SPIDR: variants seen among roughly 807,000 people sequenced by gnomAD.
SPIDR encodes scaffold protein involved in DNA repair, also known as DNA repair-scaffolding protein.
In SPIDR, 93 loss-of-function variants were observed where a neutral mutation model predicts 104.6. The observed-to-expected ratio is 0.89, with a 90% CI of 0.75 to 1.06. The LOEUF (loss-of-function observed/expected upper bound fraction) is 1.06, where lower values mean the gene tolerates loss of function less well. SPIDR is among the 50% of genes least tolerant of loss of function. The pLI is 0.00. For missense variants in SPIDR, 1,154 were observed against 1,111.2 expected (o/e 1.04, Z -0.55); for synonymous variants, 431 against 416.9 (o/e 1.03, Z -0.41).
chr8:47,464,873 A>T (rs2074524881), intron 8 of SPIDR, among the ~76,000 whole-genome samples: 2 of 152,002 alleles, frequency 1.3e-5, no homozygotes, highest in East Asian at 3.9e-4. Flanking sequence ...GGTTCAAGTG[A>T]TTCTCCTGCC....
chr8:47,386,668 A>G (rs782748822), intron 5 of SPIDR, among the ~76,000 whole-genome samples: 2 of 152,216 alleles, frequency 1.3e-5, no homozygotes, highest in Admixed American at 6.5e-5. Flanking sequence ...ATATTTAGAT[A>G]TAATGAGTAG....
At chr8:47,418,039 GT>G (rs1563914780) in intron 7 of SPIDR, among the ~76,000 whole-genome samples, 1 of 152,206 alleles carries the variant, frequency 6.6e-6, no homozygotes, top group Non-Finnish European at 1.5e-5. Flanking sequence ...TTGTAGTATA[GT>G]TTGAAGTCAG....
chr8:47,370,439 A>ATTTTTTTTTTTTTTTTTTTTTT (rs34220804), intron 5 of SPIDR, among the ~76,000 whole-genome samples: 1 of 99,076 alleles, frequency 1.0e-5, no homozygotes, highest in Non-Finnish European at 1.9e-5. Context: ...AGAGGTCAAG[A>ATTTTTTTTTTTTTTTTTTTTTT]TTTTTTTTTT....
intron 8 of SPIDR, among the ~76,000 whole-genome samples, chr8:47,532,065 ATTTT>A (rs34728107): frequency 1.7e-5 from 2 of 119,608 alleles, no homozygotes; most frequent in Non-Finnish European, 1.7e-5. Flanking sequence ...GTCAGAGTGG[ATTTT>A]TTTTTTTTTT....
chr8:47,396,217 T>A (rs782020746), intron 5 of SPIDR, among the ~76,000 whole-genome samples, 159 bp from the exon 6 acceptor site: 34 of 152,346 alleles, frequency 2.2e-4, no homozygotes, highest in Admixed American at 9.1e-4. Flanking sequence ...ACTTTTGGAT[T>A]TTGTCAGAAC....
At chr8:47,549,980 A>G (rs945481107) in intron 8 of SPIDR, among the ~76,000 whole-genome samples, 3 of 152,210 alleles carry the variant, frequency 2.0e-5, no homozygotes, top group African/African-American at 4.8e-5. Context: ...AGCTTTCTAC[A>G]TATGGCTAGC....
At position 47,511,480 on chromosome 8, in the gene SPIDR, A is replaced by G; in HGVS notation, c.1097+70938A>G. 7.7e-6 allele frequency: 6 copies of G among 777,898 alleles called. No homozygotes were observed. The South Asian group carries it at 8.2e-5, about 11-fold the overall frequency. 48.2% of individuals were successfully genotyped at this position (777,898 alleles called of 1,614,324 possible). On this transcript the variant is annotated intron_variant, in intron 8 of 19. Coordinates refer to ENST00000297423, the MANE Select transcript of SPIDR (RefSeq NM_001080394.4). Reference sequence around the variant, plus strand: ...CTGTCCACTGTGAGCTAGCCTCCACAGCTCTGCTGGCACCTCCCTTCTGTG... The same window carrying G: ...CTGTCCACTGTGAGCTAGCCTCCACGGCTCTGCTGGCACCTCCCTTCTGTG...
chr8:47,518,752 T>A (rs2083540416), intron 8 of SPIDR, among the ~76,000 whole-genome samples: 1 of 151,760 alleles, frequency 6.6e-6, no homozygotes, highest in Non-Finnish European at 1.5e-5. Flanking sequence ...TTCTCCTGCC[T>A]CAGCCTCCCA....
At chr8:47,720,265 TG>T (rs1406618547) in intron 16 of SPIDR, among the ~76,000 whole-genome samples, 4 of 152,384 alleles carry the variant, frequency 2.6e-5, no homozygotes, top group African/African-American at 9.6e-5. Flanking sequence ...TTCCAAGTTT[TG>T]GCAATTATTA....
chr8:47,624,530 C>T (rs1415660800), intron 10 of SPIDR, among the ~76,000 whole-genome samples: 16 of 151,844 alleles, frequency 1.1e-4, no homozygotes, highest in African/African-American at 3.4e-4. Flanking sequence ...ATCAAAGAGA[C>T]GCAATAAAAA....
chr8:47,465,992 C>T (rs1159424450), intron 8 of SPIDR, among the ~76,000 whole-genome samples: 3 of 152,038 alleles, frequency 2.0e-5, no homozygotes, highest in African/African-American at 7.2e-5. Context: ...AATATATATA[C>T]ACCCAACACA....
At chr8:47,323,236 C>G (rs782718542) in intron 5 of SPIDR, among the ~76,000 whole-genome samples, 1 of 152,006 alleles carries the variant, frequency 6.6e-6, no homozygotes, top group Non-Finnish European at 1.5e-5. Flanking sequence ...TAAAAAATTT[C>G]TGGTCGAAAT....
chr8:47,307,064 A>T (rs1028943007), intron 5 of SPIDR, among the ~76,000 whole-genome samples: 1 of 152,052 alleles, frequency 6.6e-6, no homozygotes, highest in Non-Finnish European at 1.5e-5. Flanking sequence ...AGTTTAATCC[A>T]TTTGAATTTA....
chr8:47,680,028 A>C (rs1364678614), intron 11 of SPIDR, among the ~76,000 whole-genome samples: 1 of 152,200 alleles, frequency 6.6e-6, no homozygotes, highest in Non-Finnish European at 1.5e-5. Flanking sequence ...GTGGCGACCC[A>C]TTACTGTATG....
chr8:47,612,201 A>G (rs1313993876), intron 10 of SPIDR, among the ~76,000 whole-genome samples: 1 of 152,172 alleles, frequency 6.6e-6, no homozygotes, highest in Non-Finnish European at 1.5e-5. Context: ...CTTTTGGAAA[A>G]CTTCAGAAGT....
At chr8:47,417,985 C>G (rs2064676772) in intron 7 of SPIDR, among the ~76,000 whole-genome samples, 1 of 152,078 alleles carries the variant, frequency 6.6e-6, no homozygotes, top group African/African-American at 2.4e-5. Flanking sequence ...TGGTCTATGT[C>G]TCTGTTTTGG....
chr8:47,431,357 A>G (rs1426695566), intron 7 of SPIDR, among the ~76,000 whole-genome samples: 1 of 152,238 alleles, frequency 6.6e-6, no homozygotes, highest in Non-Finnish European at 1.5e-5. Flanking sequence ...TTGAGGGGAC[A>G]CCAACATTCA....
At chr8:47,593,236 G>A (rs1002107753) in intron 8 of SPIDR, among the ~76,000 whole-genome samples, 12 of 151,666 alleles carry the variant, frequency 7.9e-5, no homozygotes, top group African/African-American at 2.9e-4. Flanking sequence ...ATTTATATTG[G>A]GTAATTTTTA....
intron 8 of SPIDR, among the ~76,000 whole-genome samples, chr8:47,531,479 A>G (rs560542251): frequency 3.3e-5 from 5 of 152,318 alleles, no homozygotes; most frequent in African/African-American, 1.2e-4. Context: ...CTTTATCATC[A>G]TAGATTTGCT....
Sources: gnomAD v4.1 joint callset for allele counts (sites outside exome capture counted in the v4.1 genomes callset) on GRCh38, gnomAD v4.1.1 for gene constraint, MANE v1.5 for transcripts, NCBI Gene and HGNC (gene_info 2026-07-23, HGNC 2026-07-21) for gene names.